Variants in ADGRB3 observed in about 807,000 individuals in gnomAD.
ADGRB3 encodes brain-specific angiogenesis inhibitor 3.
ADGRB3 carries 37 observed loss-of-function variants against 193.4 expected under a neutral mutation model. The observed-to-expected ratio is 0.19, with a 90% CI of 0.15 to 0.25. The LOEUF (loss-of-function observed/expected upper bound fraction) is 0.25, where lower values mean the gene tolerates loss of function less well. ADGRB3 is among the 10% of genes least tolerant of loss of function. The probability of loss-of-function intolerance (pLI) is 1.00; values close to 1 mark genes in which losing one functional copy is unlikely to be tolerated. For synonymous variants in ADGRB3, 690 were observed against 644.2 expected (o/e 1.07, Z -1.08); for missense variants, 1,637 against 1,852.9 (o/e 0.88, Z 2.14).
intron 3 of ADGRB3, among the ~76,000 whole-genome samples, chr6:68,639,727 G>T (rs1300598862): frequency 6.6e-6 from 1 of 152,074 alleles, no homozygotes; most frequent in Non-Finnish European, 1.5e-5. Flanking sequence ...GGTGAGGAGG[G>T]AGAGGGGTTT....
chr6:69,123,072 A>G (rs529043895), intron 17 of ADGRB3, among the ~76,000 whole-genome samples: 3 of 151,632 alleles, frequency 2.0e-5, no homozygotes, highest in Admixed American at 6.6e-5. Context: ...TTTCAGACGT[A>G]AGTATCACCT....
chr6:69,300,777 T>TA (rs1767934052), intron 20 of ADGRB3, among the ~76,000 whole-genome samples: 1 of 151,820 alleles, frequency 6.6e-6, no homozygotes. Context: ...GAAAAATCTC[T>TA]ACCATGAAAA....
At chr6:68,912,337 T>C (rs1253892858) in intron 3 of ADGRB3, among the ~76,000 whole-genome samples, 1 of 151,686 alleles carries the variant, frequency 6.6e-6, no homozygotes, top group Non-Finnish European at 1.5e-5. Context: ...TATATTCATC[T>C]TCTTTTTTTA....
At chr6:68,671,689 G>T (rs117010858) in intron 3 of ADGRB3, among the ~76,000 whole-genome samples, 2 of 151,874 alleles carry the variant, frequency 1.3e-5, no homozygotes, top group Admixed American at 1.3e-4. Flanking sequence ...TCCATCAATA[G>T]TCATCAGAGA....
intron 12 of ADGRB3, among the ~76,000 whole-genome samples, chr6:69,014,738 A>T (rs1359798473): frequency 1.3e-5 from 2 of 152,060 alleles, no homozygotes; most frequent in African/African-American, 4.8e-5. Flanking sequence ...AAGTCTAGAA[A>T]GAGAGAAAAA....
At chr6:68,905,437 G>T (rs892392534) in intron 3 of ADGRB3, among the ~76,000 whole-genome samples, 7 of 152,166 alleles carry the variant, frequency 4.6e-5, no homozygotes, top group African/African-American at 1.7e-4. Context: ...TCGGGATTGA[G>T]AAAAAACACT....
At position 69,215,033 on chromosome 6, in the gene ADGRB3, A is replaced by G. The variant is rs148518841; in HGVS notation, c.2481-18257A>G. Among the ~76,000 whole-genome samples the G allele has an allele frequency of 1.2e-3, 186 of 152,196 alleles. 2 individuals carry two copies. In the South Asian group the frequency reaches 0.031, roughly 25 times the overall value. Reference sequence around the variant, plus strand: ...CACATGCCGACCTAAATTGAGGGACATTCCACAAAATAAGTGGTAAATACT... The same window carrying G: ...CACATGCCGACCTAAATTGAGGGACGTTCCACAAAATAAGTGGTAAATACT... On this transcript the variant is annotated intron_variant, in intron 17 of 31. Coordinates refer to ENST00000370598, the MANE Select transcript of ADGRB3 (RefSeq NM_001704.3).
chr6:69,314,340 T>C (rs1233635016), intron 20 of ADGRB3, among the ~76,000 whole-genome samples: 2 of 151,828 alleles, frequency 1.3e-5, no homozygotes, highest in East Asian at 1.9e-4. Context: ...CAAATGATAG[T>C]TATTGTTTGA....
chr6:68,951,956 G>A (rs1015132132), intron 6 of ADGRB3, among the ~76,000 whole-genome samples: 10 of 152,060 alleles, frequency 6.6e-5, no homozygotes, highest in African/African-American at 2.4e-4. Context: ...CAAGAAAAAA[G>A]CTGTTCCTTC....
chr6:69,141,129 G>C (rs546149730), intron 17 of ADGRB3, among the ~76,000 whole-genome samples: 10 of 86,760 alleles, frequency 1.2e-4, no homozygotes, highest in Non-Finnish European at 1.6e-4. Flanking sequence ...CTTTTTTTTT[G>C]GGGGGGGCGG....
chr6:68,956,625 C>T lies in ADGRB3; in HGVS notation c.1361-20C>T, dbSNP rs760832929. 1.2e-6 allele frequency: 2 copies of T among 1,613,368 alleles called. No individual in the cohort carries two copies. Among genetic ancestry groups the T allele is most frequent in the South Asian group, 1.1e-5 (1 of 91,030 alleles). ...GTGTGTGGTAGATGACTGACATTGACCATGAAACATTTCTTTCAGCCAATG... is the reference window on the plus strand; with the variant it reads ...GTGTGTGGTAGATGACTGACATTGATCATGAAACATTTCTTTCAGCCAATG... On this transcript the variant is annotated intron_variant, in intron 7 of 31. Transcript: ENST00000370598.
At chr6:69,224,575 G>A (rs1022095568) in intron 17 of ADGRB3, among the ~76,000 whole-genome samples, 7 of 152,056 alleles carry the variant, frequency 4.6e-5, no homozygotes, top group Admixed American at 2.6e-4. Context: ...AATAATTTAG[G>A]ATCTTCCCCT....
At chr6:69,072,401 A>G (rs1385346018) in intron 16 of ADGRB3, among the ~76,000 whole-genome samples, 1 of 152,212 alleles carries the variant, frequency 6.6e-6, no homozygotes, top group Non-Finnish European at 1.5e-5. Flanking sequence ...CTGAATGTTG[A>G]CAAAGTCATG....
intron 20 of ADGRB3, among the ~76,000 whole-genome samples, chr6:69,271,110 A>T (rs1360669358): frequency 6.6e-6 from 1 of 152,206 alleles, no homozygotes; most frequent in Non-Finnish European, 1.5e-5. Flanking sequence ...AAAATAAGAA[A>T]AGCAGTCTTT....
At chr6:68,956,880 G>T (rs1364965017) in intron 8 of ADGRB3, 71 bp downstream of exon 8, 5 of 1,535,704 alleles carry the variant, frequency 3.3e-6, no homozygotes, top group African/African-American at 2.7e-5. Flanking sequence ...TAAAAATATT[G>T]TCATTGGTTA....
intron 16 of ADGRB3, among the ~76,000 whole-genome samples, chr6:69,075,620 T>C (rs1325537765): frequency 6.6e-6 from 1 of 152,176 alleles, no homozygotes; most frequent in Non-Finnish European, 1.5e-5. Context: ...TCACTGTGAT[T>C]TCAATATTGT....
chr6:69,354,220 C>T lies in ADGRB3; in HGVS notation c.3460-13C>T. On this transcript the variant is annotated splice_polypyrimidine_tract_variant and intron_variant, in intron 26 of 31. Transcript: ENST00000370598. Reference sequence around the variant, plus strand: ...AAGAGAGAAGAAAATTAATGTGTTCCCCCTCCCCACAGGTTCAGGATGCAT... The same window carrying T: ...AAGAGAGAAGAAAATTAATGTGTTCTCCCTCCCCACAGGTTCAGGATGCAT... The T allele has an allele frequency of 6.3e-7, 1 of 1,597,168 alleles. No homozygotes were observed. The highest frequency in any genetic ancestry group is 8.6e-7 in the Non-Finnish European group (1 of 1,164,890).
At chr6:68,818,257 T>C (rs1488508453) in intron 3 of ADGRB3, among the ~76,000 whole-genome samples, 1 of 152,068 alleles carries the variant, frequency 6.6e-6, no homozygotes, top group East Asian at 1.9e-4. Flanking sequence ...ACTTGAGAGT[T>C]AGATACAGTT....
At chr6:68,926,462 G>C (rs1383951084) in intron 3 of ADGRB3, among the ~76,000 whole-genome samples, 1 of 152,070 alleles carries the variant, frequency 6.6e-6, no homozygotes, top group Admixed American at 6.6e-5. Context: ...TTAAGTTTAG[G>C]AAAATGTAAG....
Sources: gnomAD v4.1 joint callset for allele counts (sites outside exome capture counted in the v4.1 genomes callset) on GRCh38, gnomAD v4.1.1 for gene constraint, MANE v1.5 for transcripts, NCBI Gene and HGNC (gene_info 2026-07-23, HGNC 2026-07-21) for gene names.